TNFSF4: variants seen among roughly 807,000 people sequenced by gnomAD.
TNFSF4 encodes TNF superfamily member 4.
TNFSF4 carries 4 observed loss-of-function variants against 7.3 expected under a neutral mutation model. That is an observed-to-expected ratio of 0.55 (90% CI 0.27 to 1.25). The LOEUF is 1.25. Ranked by LOEUF, TNFSF4 falls within the 50% of genes most tolerant of loss-of-function variation. TNFSF4 has a pLI of 0.12. For synonymous variants in TNFSF4, 76 were observed against 83.7 expected (o/e 0.91, Z 0.50); for missense variants, 181 against 208.8 (o/e 0.87, Z 0.82).
chr1:173,223,118 T>C, the TNFSF4 span, among the ~76,000 whole-genome samples: 19 of 152,354 alleles, frequency 1.2e-4, no homozygotes, highest in Admixed American at 7.8e-4. Context: ...TGGAAGTAAC[T>C]GGGCAAATTA....
the TNFSF4 span, among the ~76,000 whole-genome samples, chr1:173,427,462 A>G: frequency 6.6e-6 from 1 of 152,278 alleles, no homozygotes; most frequent in East Asian, 1.9e-4. Context: ...CAAAACTTCA[A>G]TAGTGATGAA....
At chr1:173,423,699 T>C in the TNFSF4 span, among the ~76,000 whole-genome samples, 23 of 152,378 alleles carry the variant, frequency 1.5e-4, no homozygotes, top group Non-Finnish European at 2.9e-4. Context: ...AGTAACAATT[T>C]GTACAAAGAC....
At chr1:173,356,154 G>T in the TNFSF4 span, among the ~76,000 whole-genome samples, 1 of 152,172 alleles carries the variant, frequency 6.6e-6, no homozygotes, top group Non-Finnish European at 1.5e-5. Context: ...CACTTAATGT[G>T]GGGGAGGGAT....
At chr1:173,196,320 C>T (rs10798265) in intron 1 of TNFSF4, among the ~76,000 whole-genome samples, 19,980 of 152,128 alleles carry the variant, frequency 0.13, 2,623 homozygotes, top group African/African-American at 0.34. Flanking sequence ...TGTTGGATAA[C>T]GAGTTTATTG....
chr1:173,187,367 C>G (rs1459608701), intron 2 of TNFSF4, among the ~76,000 whole-genome samples: 1 of 152,212 alleles, frequency 6.6e-6, no homozygotes, highest in Non-Finnish European at 1.5e-5. Context: ...TGCCTTAGCC[C>G]TGCACACTAC....
At chr1:173,328,342 T>C in the TNFSF4 span, among the ~76,000 whole-genome samples, 1 of 102,710 alleles carries the variant, frequency 9.7e-6, no homozygotes, top group Non-Finnish European at 1.8e-5. Context: ...CATCACACAC[T>C]GGGGACTGTT....
the TNFSF4 span, among the ~76,000 whole-genome samples, chr1:173,289,748 T>C: frequency 6.6e-6 from 1 of 151,832 alleles, no homozygotes; most frequent in Non-Finnish European, 1.5e-5. Flanking sequence ...AATTGAAAAA[T>C]TCAGTGAATG....
chr1:173,416,831 A>G, the TNFSF4 span, among the ~76,000 whole-genome samples: 25 of 151,970 alleles, frequency 1.6e-4, no homozygotes, highest in African/African-American at 5.8e-4. Context: ...TCCTGGACTC[A>G]AGCGATCCAC....
At chr1:173,417,698 AG>A in the TNFSF4 span, 9 of 152,142 alleles carry the variant, frequency 5.9e-5, no homozygotes, top group Admixed American at 4.6e-4. Context: ...CCCTCTTTTT[AG>A]TACTACTCCA....
At chr1:173,414,029 A>G in the TNFSF4 span, among the ~76,000 whole-genome samples, 1 of 152,192 alleles carries the variant, frequency 6.6e-6, no homozygotes, top group East Asian at 1.9e-4. Context: ...GGACAAGCCA[A>G]CGTGTGAATT....
the TNFSF4 span, among the ~76,000 whole-genome samples, chr1:173,336,275 G>A: frequency 6.6e-6 from 1 of 152,188 alleles, no homozygotes; most frequent in Non-Finnish European, 1.5e-5. Context: ...CACAGGGATG[G>A]TGATTTCCAC....
the TNFSF4 span, among the ~76,000 whole-genome samples, chr1:173,219,185 C>T: frequency 2.0e-5 from 3 of 152,282 alleles, no homozygotes; most frequent in East Asian, 5.8e-4. Flanking sequence ...CTGTGGACCA[C>T]AGCAGTACAT....
chr1:173,421,792 T>G, the TNFSF4 span, among the ~76,000 whole-genome samples: 4 of 152,236 alleles, frequency 2.6e-5, no homozygotes, highest in Non-Finnish European at 5.9e-5. Flanking sequence ...CATCCCAATT[T>G]GTTCTTCTGG....
the TNFSF4 span, among the ~76,000 whole-genome samples, chr1:173,173,864 G>A: frequency 2.0e-5 from 3 of 152,166 alleles, no homozygotes; most frequent in African/African-American, 4.8e-5. Flanking sequence ...GGGCTGCCAC[G>A]AAGGTCTCCG....
At chr1:173,370,251 T>C in the TNFSF4 span, among the ~76,000 whole-genome samples, 1 of 152,162 alleles carries the variant, frequency 6.6e-6, no homozygotes, top group Non-Finnish European at 1.5e-5. Context: ...ACCCTGGCCT[T>C]TAATGAAAAG....
chr1:173,185,934 T>C lies in TNFSF4; in HGVS notation c.*582A>G, dbSNP rs1417941670. 1 of 152,286 alleles carries C rather than the reference T, an allele frequency of 6.6e-6. No individual in the cohort carries two copies. Among genetic ancestry groups the C allele is most frequent in the African/African-American group, 2.4e-5 (1 of 41,448 alleles). 9.4% of individuals were successfully genotyped at this position (152,286 alleles called of 1,614,324 possible). On this transcript the variant is annotated 3_prime_UTR_variant, in exon 3 of 3. Coordinates refer to ENST00000281834, the MANE Select transcript of TNFSF4 (RefSeq NM_003326.5). The stretch of plus-strand genomic sequence containing the variant: ...ACGGCTCTCTTCAAGTCCTGATTTT[T>C]CACAAGCTGATTCTTCTTTTGAACC...
At chr1:173,442,818 G>A in the TNFSF4 span, among the ~76,000 whole-genome samples, 1 of 151,800 alleles carries the variant, frequency 6.6e-6, no homozygotes, top group East Asian at 1.9e-4. Flanking sequence ...CAAAGTTCTG[G>A]GATTACAGGT....
chr1:173,378,039 G>A, the TNFSF4 span, among the ~76,000 whole-genome samples: 3 of 152,084 alleles, frequency 2.0e-5, no homozygotes, highest in African/African-American at 7.2e-5. Context: ...AATTTTTCTT[G>A]GTCCTCTTTG....
At chr1:173,376,536 A>C in the TNFSF4 span, among the ~76,000 whole-genome samples, 57 of 152,170 alleles carry the variant, frequency 3.7e-4, no homozygotes, top group Non-Finnish European at 7.5e-4. Context: ...CTGTCTAGCT[A>C]AAGAATTGTA....
Sources: allele counts gnomAD v4.1 joint callset (sites outside exome capture counted in the v4.1 genomes callset), GRCh38; gene constraint gnomAD v4.1.1; transcripts MANE v1.5; gene names NCBI Gene and HGNC (gene_info 2026-07-23, HGNC 2026-07-21).